Variants in MID1 observed in about 807,000 individuals in gnomAD.
MID1 encodes the protein E3 ubiquitin-protein ligase Midline-1.
Under a neutral mutation model 40.4 loss-of-function variants are expected in MID1, and 7 were observed. That is an observed-to-expected ratio of 0.17 (90% CI 0.10 to 0.33). The LOEUF (loss-of-function observed/expected upper bound fraction) is 0.33. Among genes scored for constraint, MID1 ranks in the 10% least tolerant of loss-of-function variants. The pLI, the probability that MID1 is intolerant of heterozygous loss-of-function variation, is 1.00. For synonymous variants in MID1, 229 were observed against 221.2 expected, an observed-to-expected ratio of 1.04 and a Z score of -0.31; for missense variants, 367 against 558.5, an observed-to-expected ratio of 0.66 and a Z score of 3.46.
chrX:10,692,541 C>T (rs982182847), intron 1 of MID1, among the ~76,000 whole-genome samples: 11 of 110,110 alleles, frequency 1.0e-4, no homozygotes, highest in South Asian at 3.9e-4. Flanking sequence ...TGCTTGAACC[C>T]GGGAGGCAGA....
At chrX:10,604,043 G>C (rs1293808595) in intron 1 of MID1, among the ~76,000 whole-genome samples, 1 of 111,260 alleles carries the variant, frequency 9.0e-6, no homozygotes, top group Non-Finnish European at 1.9e-5. Flanking sequence ...TAATGCCAAC[G>C]GTAACATACT....
chrX:10,820,321 T>G (rs1463351678), intron 1 of MID1, among the ~76,000 whole-genome samples: 1 of 111,956 alleles, frequency 8.9e-6, no homozygotes, highest in African/African-American at 3.2e-5. Context: ...ACAGCAGTCT[T>G]ATATTCAGTC....
chrX:10,732,790 C>G (rs760481317), intron 1 of MID1, among the ~76,000 whole-genome samples: 1 of 111,114 alleles, frequency 9.0e-6, no homozygotes, highest in Non-Finnish European at 1.9e-5. Flanking sequence ...CAGATTGAGA[C>G]CAAGGAAACA....
intron 1 of MID1, among the ~76,000 whole-genome samples, chrX:10,572,167 CTATATA>C (rs1286898637): frequency 1.1e-5 from 1 of 87,996 alleles, no homozygotes; most frequent in South Asian, 4.8e-4. Context: ...CTCTCTCTCT[CTATATA>C]TATATGTATC....
At chrX:10,488,274 G>A (rs914078814) in intron 4 of MID1, among the ~76,000 whole-genome samples, 2 of 111,261 alleles carry the variant, frequency 1.8e-5, no homozygotes, top group African/African-American at 3.3e-5. Flanking sequence ...GTGAGCCACC[G>A]TGACCAGTCT....
intron 3 of MID1, among the ~76,000 whole-genome samples, chrX:10,513,947 T>A (rs1932279502): frequency 8.9e-6 from 1 of 112,330 alleles, no homozygotes; most frequent in Admixed American, 9.4e-5. Flanking sequence ...AATACTGTAA[T>A]GGAGACAGGA....
chrX:10,719,203 C>T (rs1375227591), intron 1 of MID1, among the ~76,000 whole-genome samples: 2 of 110,333 alleles, frequency 1.8e-5, no homozygotes, highest in Non-Finnish European at 3.8e-5. Context: ...CCAGGGCAAT[C>T]AGGCAGGAGA....
chrX:10,524,341 GGAA>G (rs1438514889), intron 2 of MID1, among the ~76,000 whole-genome samples: 1 of 111,466 alleles, frequency 9.0e-6, no homozygotes, highest in Non-Finnish European at 1.9e-5. Flanking sequence ...GGGCCATGCT[GGAA>G]GAAGAACTGT....
At chrX:10,544,131 T>C (rs1933589098) in intron 2 of MID1, among the ~76,000 whole-genome samples, 1 of 112,218 alleles carries the variant, frequency 8.9e-6, no homozygotes, top group Admixed American at 9.5e-5. Context: ...CCACACACCA[T>C]TTGACTTCTG....
chrX:10,760,027 T>C (rs2147119561), intron 1 of MID1, among the ~76,000 whole-genome samples: 1 of 111,822 alleles, frequency 8.9e-6, no homozygotes, highest in African/African-American at 3.3e-5. Flanking sequence ...ACATAAACTT[T>C]GTTGATGAAA....
At chrX:10,733,402 AT>A (rs1450977449) in intron 1 of MID1, among the ~76,000 whole-genome samples, 3 of 111,560 alleles carry the variant, frequency 2.7e-5, no homozygotes, top group African/African-American at 6.5e-5. Flanking sequence ...GGGCAGGAAA[AT>A]TTTTTTTAGA....
intron 2 of MID1, among the ~76,000 whole-genome samples, chrX:10,533,947 C>T (rs1456915591): frequency 1.8e-5 from 2 of 110,689 alleles, no homozygotes; most frequent in African/African-American, 3.3e-5. Flanking sequence ...TTTTAAGTGC[C>T]GACTGGATAA....
chrX:10,733,762 G>A (rs1229129269), intron 1 of MID1, among the ~76,000 whole-genome samples: 1 of 112,069 alleles, frequency 8.9e-6, no homozygotes, highest in African/African-American at 3.2e-5. Context: ...CATATTCACT[G>A]GAATAGCAAA....
At chrX:10,804,017 C>T (rs1167859867) in intron 1 of MID1, among the ~76,000 whole-genome samples, 1 of 110,958 alleles carries the variant, frequency 9.0e-6, no homozygotes, top group Non-Finnish European at 1.9e-5. Context: ...TGTCTTTCAC[C>T]TCACAGATTC....
chrX:10,510,531 A>T (rs1932064605), intron 3 of MID1, among the ~76,000 whole-genome samples: 1 of 111,725 alleles, frequency 9.0e-6, no homozygotes, highest in African/African-American at 3.3e-5. Context: ...AACTAAACTT[A>T]AAAAATATGC....
chrX:10,520,084 A>T (rs1932633015), intron 3 of MID1, among the ~76,000 whole-genome samples: 1 of 112,166 alleles, frequency 8.9e-6, no homozygotes, highest in Admixed American at 9.5e-5. Context: ...TGACACCTCA[A>T]TACTTAGGGT....
At chrX:10,553,130 C>G (rs1326683979) in intron 2 of MID1, among the ~76,000 whole-genome samples, 1 of 110,302 alleles carries the variant, frequency 9.1e-6, no homozygotes, top group Non-Finnish European at 1.9e-5. Flanking sequence ...TGCCTGTAAT[C>G]CCAGCTACTC....
chrX:10,507,204 A>T (rs1189139621), intron 3 of MID1, among the ~76,000 whole-genome samples: 1 of 102,655 alleles, frequency 9.7e-6, no homozygotes, highest in African/African-American at 3.6e-5. Flanking sequence ...CATTATCATT[A>T]AGGTCAACTA....
At chrX:10,613,847 A>G (rs1467099252) in intron 1 of MID1, among the ~76,000 whole-genome samples, 4 of 104,946 alleles carry the variant, frequency 3.8e-5, no homozygotes, top group African/African-American at 1.1e-4. Flanking sequence ...ATATACATAT[A>G]GTTCAGTAAT....
Sources: gnomAD v4.1 joint callset for allele counts (sites outside exome capture counted in the v4.1 genomes callset) on GRCh38, gnomAD v4.1.1 for gene constraint, MANE v1.5 for transcripts, NCBI Gene and HGNC (gene_info 2026-07-23, HGNC 2026-07-21) for gene names.